CCDC91: variants seen among roughly 807,000 people sequenced by gnomAD.
CCDC91 encodes the protein coiled-coil domain containing 91, also known as coiled-coil domain-containing protein 91.
Under a neutral mutation model 63.2 loss-of-function variants are expected in CCDC91, and 48 were observed. The ratio of observed to expected loss-of-function variants is 0.76; its 90% CI spans 0.60 to 0.97. CCDC91 has a LOEUF of 0.97. Among genes scored for constraint, CCDC91 ranks in the 50% least tolerant of loss-of-function variants. The pLI is 0.00. For missense variants in CCDC91, 500 were observed against 494.6 expected, an observed-to-expected ratio of 1.01 and a Z score of -0.10; for synonymous variants, 167 against 165.8, an observed-to-expected ratio of 1.01 and a Z score of -0.06.
chr12:28,408,425 A>G (rs1947105945), intron 8 of CCDC91, among the ~76,000 whole-genome samples: 2 of 152,192 alleles, frequency 1.3e-5, no homozygotes, highest in Non-Finnish European at 2.9e-5. Flanking sequence ...TGCTATTGTA[A>G]ATAGTGCTGC....
At chr12:28,359,766 A>T (rs2138489996) in intron 6 of CCDC91, among the ~76,000 whole-genome samples, 1 of 152,354 alleles carries the variant, frequency 6.6e-6, no homozygotes, top group East Asian at 1.9e-4. Flanking sequence ...TATAAACATA[A>T]AATGGCAGAA....
intron 1 of CCDC91, among the ~76,000 whole-genome samples, chr12:28,230,285 C>T (rs1230535679): frequency 6.6e-6 from 1 of 152,098 alleles, no homozygotes; most frequent in Non-Finnish European, 1.5e-5. Flanking sequence ...TCTGGGTAAG[C>T]AAGTTTTGGG....
chr12:28,262,180 A>C (rs1359537360), intron 3 of CCDC91, among the ~76,000 whole-genome samples: 1 of 152,012 alleles, frequency 6.6e-6, no homozygotes, highest in African/African-American at 2.4e-5. Context: ...TCTAAGGCAG[A>C]TTCTTTTCAG....
intron 1 of CCDC91, among the ~76,000 whole-genome samples, chr12:28,248,228 T>C (rs1053902354): frequency 1.1e-4 from 16 of 152,160 alleles, no homozygotes; most frequent in African/African-American, 3.6e-4. Context: ...AAGGGTAAAT[T>C]TGAGGTTGGT....
At chr12:28,456,253 C>T (rs1309066407) in intron 11 of CCDC91, among the ~76,000 whole-genome samples, 9 of 152,098 alleles carry the variant, frequency 5.9e-5, no homozygotes, top group African/African-American at 2.2e-4. Flanking sequence ...TGTGCTTTCA[C>T]AGAGCTTACA....
In CCDC91 at chr12:28,306,869, T is replaced by C; in HGVS notation, c.395T>C (p.Ile132Thr). 6.2e-7 allele frequency: 1 copy of C among 1,612,286 alleles called. No homozygotes were observed. Among genetic ancestry groups the C allele is most frequent in the Non-Finnish European group, 8.5e-7 (1 of 1,178,798 alleles). The change falls in exon 5 of 13, where the codon ATA becomes ACA. Residue 132 changes from isoleucine to threonine, a missense_variant. Transcript: ENST00000536442. ...SEDPGANVSN[I>T]QLQQKISSLE... Reference sequence around the variant, plus strand: ...GATCCTGGAGCCAATGTATCTAACATACAGCTTCAGCAAAAAATTTCAAGT... The same window carrying C: ...GATCCTGGAGCCAATGTATCTAACACACAGCTTCAGCAAAAAATTTCAAGT...
intron 3 of CCDC91, chr12:28,302,536 A>T: frequency 1.7e-6 from 1 of 593,280 alleles, no homozygotes; most frequent in Non-Finnish European, 2.1e-6. Flanking sequence ...GTTAATGTTT[A>T]AATTTGAATC....
rs149583338 is a variant in CCDC91, at chr12:28,488,938, G to T, written c.1215+4773G>T. Among the ~76,000 whole-genome samples, 123 of 151,980 alleles carry T rather than the reference G, an allele frequency of 8.1e-4. 2 individuals are homozygous for T. The highest frequency in any genetic ancestry group is 2.8e-3 in the African/African-American group (118 of 41,512). On this transcript the variant is annotated intron_variant, in intron 12 of 12. Transcript: ENST00000536442. Reference sequence around the variant, plus strand: ...ACTCATGGGTCAAATCCGGCCTGCTGCCTGCTTTTATAAATAAAGTTTAAT... The same window carrying T: ...ACTCATGGGTCAAATCCGGCCTGCTTCCTGCTTTTATAAATAAAGTTTAAT...
intron 8 of CCDC91, among the ~76,000 whole-genome samples, chr12:28,445,445 G>A (rs1949447975): frequency 6.6e-6 from 1 of 152,192 alleles, no homozygotes; most frequent in Non-Finnish European, 1.5e-5. Context: ...AACTAATTTA[G>A]CAGAGAAGAG....
intron 6 of CCDC91, among the ~76,000 whole-genome samples, chr12:28,357,170 T>G (rs543135055): frequency 1.3e-3 from 199 of 152,316 alleles, no homozygotes; most frequent in Non-Finnish European, 2.5e-3. Flanking sequence ...AATATTTCAC[T>G]TTTTTTGGAA....
chr12:28,500,672 A>T (rs943783395), intron 12 of CCDC91, among the ~76,000 whole-genome samples: 17 of 151,702 alleles, frequency 1.1e-4, no homozygotes, highest in African/African-American at 4.1e-4. Flanking sequence ...TCTACCTATT[A>T]ACTTTGGTCA....
rs1346564386 is a variant in CCDC91, at chr12:28,235,431, A to G, written c.-14-21771A>G. 2.6e-5 allele frequency among the ~76,000 whole-genome samples: 4 copies of G among 152,264 alleles called. 1 individual carries two copies. The East Asian group carries it at 7.7e-4, about 29-fold the overall frequency. On this transcript the variant is annotated intron_variant, in intron 1 of 12. Coordinates refer to ENST00000536442, the MANE Select transcript of CCDC91 (RefSeq NM_018318.5). ...GAACACATAGGTCTACATTTAACTG[A>G]TTCAAATTATAAATGAGTATGAAAC... is the stretch of plus-strand genomic sequence containing the variant.
chr12:28,316,829 A>G (rs1391578381), intron 6 of CCDC91, among the ~76,000 whole-genome samples: 1 of 151,674 alleles, frequency 6.6e-6, no homozygotes, highest in Non-Finnish European at 1.5e-5. Flanking sequence ...TTCCACTTTT[A>G]TCTTGACCCT....
At chr12:28,398,333 A>C (rs1946411757) in intron 8 of CCDC91, among the ~76,000 whole-genome samples, 1 of 152,000 alleles carries the variant, frequency 6.6e-6, no homozygotes, top group African/African-American at 2.4e-5. Context: ...TTTTTTTGAG[A>C]TTCATCCATA....
intron 11 of CCDC91, among the ~76,000 whole-genome samples, chr12:28,461,062 T>C (rs750884010): frequency 2.6e-5 from 4 of 152,038 alleles, no homozygotes; most frequent in Non-Finnish European, 4.4e-5. Flanking sequence ...AGCATGTTAC[T>C]GTGCTGAGTA....
intron 3 of CCDC91, among the ~76,000 whole-genome samples, chr12:28,262,439 C>T (rs1453218032): frequency 1.3e-5 from 2 of 151,884 alleles, no homozygotes; most frequent in Non-Finnish European, 2.9e-5. Context: ...TTTGGTGAGC[C>T]TAGTGATTCT....
intron 3 of CCDC91, among the ~76,000 whole-genome samples, chr12:28,267,568 A>G (rs1350122589): frequency 6.8e-6 from 1 of 147,100 alleles, no homozygotes; most frequent in Non-Finnish European, 1.5e-5. Context: ...TTACTAATAT[A>G]AACATAGAAC....
chr12:28,301,517 A>G (rs1208481115), intron 3 of CCDC91, among the ~76,000 whole-genome samples: 1 of 151,464 alleles, frequency 6.6e-6, no homozygotes, highest in African/African-American at 2.4e-5. Context: ...TAATCTGAAA[A>G]TCTTGAATTT....
At chr12:28,227,093 A>G (rs1265161446) in intron 1 of CCDC91, among the ~76,000 whole-genome samples, 1 of 152,124 alleles carries the variant, frequency 6.6e-6, no homozygotes, top group African/African-American at 2.4e-5. Context: ...CTTACTATCA[A>G]CTTATCATTG....
Sources: allele counts gnomAD v4.1 joint callset (sites outside exome capture counted in the v4.1 genomes callset), GRCh38; gene constraint gnomAD v4.1.1; transcripts MANE v1.5; gene names NCBI Gene and HGNC (gene_info 2026-07-23, HGNC 2026-07-21).